PPIL1: variants seen among roughly 807,000 people sequenced by gnomAD.
The protein encoded by PPIL1 is peptidylprolyl isomerase like 1.
PPIL1 carries 14 observed loss-of-function variants against 19.4 expected under a neutral mutation model. The ratio of observed to expected loss-of-function variants is 0.72; its 90% confidence interval spans 0.48 to 1.13. The LOEUF (loss-of-function observed/expected upper bound fraction) is 1.13, where lower values mean the gene tolerates loss of function less well. Ranked by LOEUF, PPIL1 falls within the 50% of genes most tolerant of loss-of-function variation. The probability of loss-of-function intolerance (pLI) is 0.00; values close to 1 mark genes in which losing one functional copy is unlikely to be tolerated. For synonymous variants in PPIL1, 72 were observed against 73.6 expected (o/e 0.98, Z 0.11); for missense variants, 192 against 218.0 (o/e 0.88, Z 0.75).
At chr6:36,863,846 T>C (rs763347155) in intron 2 of PPIL1, among the ~76,000 whole-genome samples, 1 of 151,738 alleles carries the variant, frequency 6.6e-6, no homozygotes, top group Non-Finnish European at 1.5e-5. Flanking sequence ...AGTTGCTGTC[T>C]TCCTTTGGCT....
intron 2 of PPIL1, among the ~76,000 whole-genome samples, chr6:36,870,655 C>A (rs1774490262): frequency 6.6e-6 from 1 of 152,124 alleles, no homozygotes; most frequent in South Asian, 2.1e-4. Flanking sequence ...GAGTCTCAAT[C>A]TGTTACCCAG....
At chr6:36,868,166 A>ACCACAGAAT in intron 2 of PPIL1, among the ~76,000 whole-genome samples, 1 of 152,178 alleles carries the variant, frequency 6.6e-6, no homozygotes, top group East Asian at 1.9e-4. Flanking sequence ...AAGATAATAC[A>ACCACAGAAT]CCACAGAATA....
At chr6:36,861,041 T>A (rs572760439) in intron 2 of PPIL1, among the ~76,000 whole-genome samples, 1 of 152,236 alleles carries the variant, frequency 6.6e-6, no homozygotes, top group South Asian at 2.1e-4. Flanking sequence ...TTGGTTATTA[T>A]CGACCATGCT....
In PPIL1 at chr6:36,874,790, A is replaced by G. The variant is rs370416380; in HGVS notation, c.-18T>C. 1.2e-6 allele frequency: 2 copies of G among 1,613,758 alleles called. No individual in the cohort carries two copies. Among genetic ancestry groups the G allele is most frequent in the Non-Finnish European group, 1.7e-6 (2 of 1,179,810 alleles). On this transcript the variant is annotated 5_prime_UTR_variant, in exon 1 of 4. Coordinates refer to ENST00000373699, the MANE Select transcript of PPIL1 (RefSeq NM_016059.5). The stretch of plus-strand genomic sequence containing the variant: ...GCCGCCATAGCGAAGCCGGCGGCGG[A>G]ATGCTTGTCTAGTAATTGCTACTTC...
rs1774158163 is a variant in PPIL1 at position 36,855,958 on chromosome 6, G to GT, written c.355dup (p.Thr119AsnfsTer5). 1.9e-6 allele frequency: 3 copies of GT among 1,614,224 alleles called. No homozygotes were observed. Among genetic ancestry groups the GT allele is most frequent in the East Asian group, 2.2e-5 (1 of 44,886 alleles). On this transcript the variant is annotated frameshift_variant, in exon 4 of 4. Transcript: ENST00000373699. LOFTEE classifies it high-confidence loss of function. ...GGTGTGTTTGCCGTCAAGCCACTGG[G>GT]TGGGGGCGAGGGTCACAAAGAACTG... is the stretch of plus-strand genomic sequence containing the variant.
intron 2 of PPIL1, among the ~76,000 whole-genome samples, chr6:36,859,978 G>GC (rs1415033369): frequency 6.6e-6 from 1 of 151,762 alleles, no homozygotes; most frequent in East Asian, 1.9e-4. Context: ...ACAGGCGCCC[G>GC]CCACCATGCC....
At chr6:36,859,844 T>TGTGTGTG (rs1554132501) in intron 2 of PPIL1, among the ~76,000 whole-genome samples, 1 of 150,258 alleles carries the variant, frequency 6.7e-6, no homozygotes, top group African/African-American at 2.5e-5. Context: ...TGTGTGTGTG[T>TGTGTGTG]TTTGAGACAG....
chr6:36,872,244 T>A (rs1182785676), intron 1 of PPIL1, among the ~76,000 whole-genome samples: 2 of 152,046 alleles, frequency 1.3e-5, no homozygotes, highest in African/African-American at 4.8e-5. Flanking sequence ...TTTAATTTTT[T>A]AAAAAAAGAG....
chr6:36,873,608 A>C (rs966273040), intron 1 of PPIL1, among the ~76,000 whole-genome samples: 1 of 152,228 alleles, frequency 6.6e-6, no homozygotes, highest in Non-Finnish European at 1.5e-5. Context: ...TTATTTTGTA[A>C]CTTTAAAAAA....
At chr6:36,858,040 C>CAACA (rs1317208673) in intron 2 of PPIL1, among the ~76,000 whole-genome samples, 1 of 151,116 alleles carries the variant, frequency 6.6e-6, no homozygotes, top group East Asian at 2.0e-4. Flanking sequence ...CCAGCCTGGC[C>CAACA]AACATAGTGA....
intron 2 of PPIL1, among the ~76,000 whole-genome samples, chr6:36,861,007 G>A (rs1237216029): frequency 1.3e-5 from 2 of 151,962 alleles, no homozygotes; most frequent in Non-Finnish European, 1.5e-5. Context: ...TTCTGGTGTT[G>A]ATACTGAGGA....
chr6:36,865,373 G>C (rs2150657921), intron 2 of PPIL1, among the ~76,000 whole-genome samples: 1 of 152,268 alleles, frequency 6.6e-6, no homozygotes, highest in African/African-American at 2.4e-5. Flanking sequence ...GCTCCTTACT[G>C]TCCCCTAAAC....
At chr6:36,856,056 G>A (rs1046508565) in intron 3 of PPIL1, 23 bp from the exon 4 acceptor site, 7 of 1,607,458 alleles carry the variant, frequency 4.4e-6, no homozygotes, top group Non-Finnish European at 6.0e-6. Context: ...AGGAAGAAAG[G>A]AAAGAGTATA....
At chr6:36,862,563 C>T (rs1182446229) in intron 2 of PPIL1, among the ~76,000 whole-genome samples, 1 of 152,210 alleles carries the variant, frequency 6.6e-6, no homozygotes. Flanking sequence ...TCCCATCTTC[C>T]TTCTTTGAAA....
At chr6:36,861,535 T>G (rs1233134231) in intron 2 of PPIL1, among the ~76,000 whole-genome samples, 1 of 152,204 alleles carries the variant, frequency 6.6e-6, no homozygotes, top group Non-Finnish European at 1.5e-5. Context: ...AAGGCTCAAC[T>G]ATATACTATA....
chr6:36,862,133 A>G (rs2150656505), intron 2 of PPIL1, among the ~76,000 whole-genome samples: 1 of 152,300 alleles, frequency 6.6e-6, no homozygotes, highest in Admixed American at 6.5e-5. Context: ...GCAGTGTCTT[A>G]CACCAAGATG....
intron 1 of PPIL1, among the ~76,000 whole-genome samples, chr6:36,873,664 T>C (rs920540043): frequency 1.3e-5 from 2 of 152,136 alleles, no homozygotes; most frequent in South Asian, 2.1e-4. Context: ...CCTGAAGATG[T>C]AGAATTTTGC....
intron 2 of PPIL1, among the ~76,000 whole-genome samples, chr6:36,863,793 A>G (rs13219913): frequency 0.14 from 20,664 of 151,028 alleles, 1,688 homozygotes; most frequent in East Asian, 0.27. Context: ...AATCCTCAGC[A>G]CTCACTTTAC....
In PPIL1 at chr6:36,859,811, T is replaced by TTGTGTGTGTGTGTGTGTG. The variant is rs71880744; in HGVS notation, c.212-3175_212-3158dup. On this transcript the variant is annotated intron_variant, in intron 2 of 3. Coordinates refer to ENST00000373699, the MANE Select transcript of PPIL1 (RefSeq NM_016059.5). ...TGAAGATAGGCAGACCTGTTTTCTA[T>TTGTGTGTGTGTGTGTGTG]TGTGTGTGTGTGTGTGTGTGTGTGT... Among the ~76,000 whole-genome samples, 403 of 144,984 alleles carry TTGTGTGTGTGTGTGTGTG rather than the reference T, an allele frequency of 2.8e-3. 1 individual carries two copies. Among genetic ancestry groups the TTGTGTGTGTGTGTGTGTG allele is most frequent in the East Asian group, 0.026 (124 of 4,838 alleles).
Sources: gnomAD v4.1 joint callset for allele counts (sites outside exome capture counted in the v4.1 genomes callset) on GRCh38, gnomAD v4.1.1 for gene constraint, MANE v1.5 for transcripts, NCBI Gene and HGNC (gene_info 2026-07-23, HGNC 2026-07-21) for gene names.